Variants in CEP89 observed in about 807,000 individuals in gnomAD.
CEP89 encodes centrosomal protein of 89 kDa.
A neutral mutation model predicts 97.6 loss-of-function variants in CEP89; 95 were observed. The observed-to-expected ratio is 0.97, with a 90% CI of 0.82 to 1.15. The LOEUF (loss-of-function observed/expected upper bound fraction) is 1.15. Ranked by LOEUF, CEP89 falls within the 50% of genes most tolerant of loss-of-function variation. CEP89 has a pLI of 0.00. For synonymous variants in CEP89, 354 were observed against 349.1 expected (o/e 1.01, Z -0.16); for missense variants, 869 against 947.7 (o/e 0.92, Z 1.09).
intron 1 of CEP89, chr19:32,969,385 G>C (rs1240286062): frequency 1.3e-5 from 2 of 152,400 alleles, no homozygotes; most frequent in Non-Finnish European, 1.5e-5. Flanking sequence ...TCTGGTCAGA[G>C]GGACTGGCAG....
rs376985007 is a variant in CEP89, at chr19:32,925,078, A to G, written c.1164+1112T>C. 3.4e-4 allele frequency among the ~76,000 whole-genome samples: 52 copies of G among 152,340 alleles called. No individual in the cohort carries two copies. The East Asian group carries it at 5.0e-3, about 15-fold the overall frequency. Reference sequence around the variant, plus strand: ...GGATTAAAATTCCTTTCCATGGGACATGGACACGGGACAGCATCACTGATT... The same window carrying G: ...GGATTAAAATTCCTTTCCATGGGACGTGGACACGGGACAGCATCACTGATT... On this transcript the variant is annotated intron_variant, in intron 11 of 18. Transcript: ENST00000305768.
Position 32,886,856 on chromosome 19 carries a change from C to CT in CEP89, c.1965+895dup, listed in dbSNP as rs1471524285. Among the ~76,000 whole-genome samples the CT allele has an allele frequency of 3.1e-4, 46 of 150,020 alleles. 1 individual carries two copies. Among genetic ancestry groups the CT allele is most frequent in the African/African-American group, 1.1e-3 (44 of 39,952 alleles). Reference sequence around the variant, plus strand: ...ATGGCATAGCCCCTTCCCTTTCAGCCTTTCTTTTTTTTTTTTTCTTAAAGA... The same window carrying CT: ...ATGGCATAGCCCCTTCCCTTTCAGCCTTTTCTTTTTTTTTTTTTCTTAAAGA... On this transcript the variant is annotated intron_variant, in intron 17 of 18. Transcript: ENST00000305768.
At chr19:32,932,897 C>A (rs531820413) in intron 8 of CEP89, among the ~76,000 whole-genome samples, 9 of 152,186 alleles carry the variant, frequency 5.9e-5, no homozygotes, top group Admixed American at 5.9e-4. Context: ...TTATAGTGAG[C>A]TCTGACCACC....
rs141384726 is a variant in CEP89, at chr19:32,936,237, G to A, written c.667+1394C>T. Among the ~76,000 whole-genome samples, 262 of 152,288 alleles carry A rather than the reference G, an allele frequency of 1.7e-3. 1 individual carries two copies. Among genetic ancestry groups the A allele is most frequent in the South Asian group, 7.0e-3 (34 of 4,828 alleles). On this transcript the variant is annotated intron_variant, in intron 7 of 18. Transcript: ENST00000305768. This position sits in a 1 kb window ranked among gnomAD's most constrained non-coding sequence, Gnocchi z 4.5. ...CTGGGCACTGTCACAGCCTGGCTGGGAGTGTGCATACTCAGGGCAGTACTG... is the reference window on the plus strand; with the variant it reads ...CTGGGCACTGTCACAGCCTGGCTGGAAGTGTGCATACTCAGGGCAGTACTG...
At chr19:32,923,013 G>A (rs1328905180) in intron 12 of CEP89, among the ~76,000 whole-genome samples, 1 of 152,168 alleles carries the variant, frequency 6.6e-6, no homozygotes, top group East Asian at 1.9e-4. Flanking sequence ...CAGTTGTCAG[G>A]GAATCTGCCA....
At chr19:32,898,611 G>T (rs548602048) in intron 16 of CEP89, among the ~76,000 whole-genome samples, 1 of 152,284 alleles carries the variant, frequency 6.6e-6, no homozygotes, top group South Asian at 2.1e-4. Context: ...GCTGGGTGTG[G>T]TGGCTCACAC....
intron 3 of CEP89, 31 bp from the exon 4 acceptor site, chr19:32,953,832 CAA>C: frequency 7.1e-7 from 1 of 1,402,000 alleles, no homozygotes; most frequent in Non-Finnish European, 1.0e-6. Flanking sequence ...GGAAAACAAA[CAA>C]AAAGTCACTT....
At chr19:32,902,123 T>G (rs1969793922) in intron 14 of CEP89, among the ~76,000 whole-genome samples, 1 of 151,818 alleles carries the variant, frequency 6.6e-6, no homozygotes, top group Admixed American at 6.6e-5. Context: ...GCCAGATTTA[T>G]TTAAAAAAAA....
At chr19:32,915,619 G>T in intron 13 of CEP89, 102 bp from the exon 14 acceptor site, 1 of 1,101,040 alleles carries the variant, frequency 9.1e-7, no homozygotes, top group Admixed American at 2.8e-5. Flanking sequence ...TGATAAAAAT[G>T]ACCTTTTAAA....
chr19:32,951,532 T>TACACACACAC (rs1227138116), intron 4 of CEP89, among the ~76,000 whole-genome samples: 24 of 112,404 alleles, frequency 2.1e-4, no homozygotes, highest in African/African-American at 6.6e-4. Flanking sequence ...TATATATATA[T>TACACACACAC]ATACACACAC....
intron 4 of CEP89, among the ~76,000 whole-genome samples, chr19:32,953,218 A>G (rs1970962442): frequency 6.6e-6 from 1 of 150,738 alleles, no homozygotes; most frequent in African/African-American, 2.4e-5. Flanking sequence ...CACAGTAAAC[A>G]CTCAAAGCAC....
intron 17 of CEP89, among the ~76,000 whole-genome samples, chr19:32,884,725 C>G (rs566934955): frequency 3.9e-5 from 6 of 152,034 alleles, no homozygotes; most frequent in African/African-American, 1.4e-4. Context: ...CTATCAAGCC[C>G]GGCTAATTTT....
At chr19:32,956,174 G>A (rs1971044435) in intron 3 of CEP89, among the ~76,000 whole-genome samples, 1 of 148,498 alleles carries the variant, frequency 6.7e-6, no homozygotes, top group Non-Finnish European at 1.5e-5. Context: ...TCCTGCCTCA[G>A]CCTCCTGAGT....
chr19:32,885,722 T>C (rs978292618), intron 17 of CEP89, among the ~76,000 whole-genome samples: 1 of 152,188 alleles, frequency 6.6e-6, no homozygotes, highest in African/African-American at 2.4e-5. Flanking sequence ...AGGACATAGA[T>C]TCAAGTCTTC....
intron 5 of CEP89, 85 bp downstream of exon 5, chr19:32,948,181 T>C (rs894154033): frequency 3.0e-6 from 2 of 670,748 alleles, no homozygotes; most frequent in African/African-American, 1.8e-5. Context: ...GAAGGGGCAA[T>C]GGGTATGTTT....
chr19:32,939,224 C>CCGGGT lies in CEP89; in HGVS notation c.624+628_624+632dup, dbSNP rs565434602. Among the ~76,000 whole-genome samples, 61 of 152,166 alleles carry CCGGGT rather than the reference C, an allele frequency of 4.0e-4. 1 individual carries two copies. In the East Asian group the frequency reaches 8.7e-3, roughly 22 times the overall value. ...TATGATCACACCACTGCACTCCAGCCCGGGTCACAGAGGGAGATCCTGTCT... is the reference window on the plus strand; with the variant it reads ...TATGATCACACCACTGCACTCCAGCCCGGGTCGGGTCACAGAGGGAGATCCTGTCT... On this transcript the variant is annotated intron_variant, in intron 6 of 18. Transcript: ENST00000305768.
chr19:32,959,732 A>T (rs1199178068), intron 3 of CEP89, among the ~76,000 whole-genome samples, 168 bp downstream of exon 3: 1 of 152,188 alleles, frequency 6.6e-6, no homozygotes, highest in African/African-American at 2.4e-5. Context: ...TTGGTGATGA[A>T]AACCCAGTGA....
chr19:32,925,566 GCAACGTCCAGCTCCCTGGTT>G (rs1970340358), intron 11 of CEP89, among the ~76,000 whole-genome samples: 1 of 142,436 alleles, frequency 7.0e-6, no homozygotes, highest in African/African-American at 2.7e-5. Flanking sequence ...TCGGCTCACT[GCAACGTCCAGCTCCCTGGTT>G]CAAGCTATTC....
intron 16 of CEP89, among the ~76,000 whole-genome samples, chr19:32,890,287 C>A (rs1969485278): frequency 6.6e-6 from 1 of 152,128 alleles, no homozygotes; most frequent in African/African-American, 2.4e-5. Context: ...ATAGTCCCAG[C>A]TACTCAGGAG....
Sources: gnomAD v4.1 joint callset for allele counts (sites outside exome capture counted in the v4.1 genomes callset) on GRCh38, gnomAD v4.1.1 for gene constraint, Gnocchi (gnomAD v3.1) non-coding constraint, MANE v1.5 for transcripts, NCBI Gene and HGNC (gene_info 2026-07-23, HGNC 2026-07-21) for gene names.